The following DOCK10 variants were observed in gnomAD, a reference collection of about 807,000 sequenced individuals.
The protein encoded by DOCK10 is dedicator of cytokinesis 10, also known as dedicator of cytokinesis protein 10.
A neutral mutation model predicts 280.1 loss-of-function variants in DOCK10; 145 were observed. That is an observed-to-expected ratio of 0.52 (90% CI 0.45 to 0.59). The LOEUF (loss-of-function observed/expected upper bound fraction) is 0.59. Ranked by LOEUF, DOCK10 falls within the 20% of genes least tolerant of loss-of-function variation. The probability of loss-of-function intolerance (pLI) is 0.00; values close to 1 mark genes in which losing one functional copy is unlikely to be tolerated. For synonymous variants in DOCK10, 915 were observed against 942.2 expected, an observed-to-expected ratio of 0.97 and a Z score of 0.53; for missense variants, 2,368 against 2,651.7, an observed-to-expected ratio of 0.89 and a Z score of 2.35.
chr2:224,994,946 G>A (rs953653510), intron 1 of DOCK10, among the ~76,000 whole-genome samples: 2 of 152,176 alleles, frequency 1.3e-5, no homozygotes, highest in Admixed American at 6.5e-5. Context: ...TCTGGCTCAA[G>A]TGTTTCCTGA....
chr2:224,833,486 ATTT>A (rs61164574), intron 26 of DOCK10, among the ~76,000 whole-genome samples: 3 of 144,786 alleles, frequency 2.1e-5, no homozygotes, highest in African/African-American at 2.5e-5. Context: ...TCGCCTTCAA[ATTT>A]TTTTTTTTTT....
intron 47 of DOCK10, among the ~76,000 whole-genome samples, chr2:224,792,182 A>G (rs1444160900): frequency 6.6e-6 from 1 of 152,240 alleles, no homozygotes; most frequent in African/African-American, 2.4e-5. Context: ...ACCATAAGCC[A>G]TATGTTATAA....
At chr2:224,888,403 C>T (rs542407910) in intron 4 of DOCK10, among the ~76,000 whole-genome samples, 15 of 150,490 alleles carry the variant, frequency 1.0e-4, no homozygotes, top group Middle Eastern at 3.6e-3. Context: ...TATGTGTGTG[C>T]ATGTATATAT....
At chr2:224,872,791 G>A (rs760935492) in intron 11 of DOCK10, among the ~76,000 whole-genome samples, 19 of 152,098 alleles carry the variant, frequency 1.2e-4, no homozygotes, top group Admixed American at 7.9e-4. Flanking sequence ...TCCTCTTTGA[G>A]GTGAAAGATG....
chr2:224,877,051 T>C (rs1424003319), intron 7 of DOCK10, among the ~76,000 whole-genome samples: 1 of 152,212 alleles, frequency 6.6e-6, no homozygotes, highest in Non-Finnish European at 1.5e-5. Flanking sequence ...CATGTTCTTA[T>C]TGCTGCCACA....
intron 11 of DOCK10, among the ~76,000 whole-genome samples, chr2:224,869,475 A>G (rs1189692985): frequency 6.6e-6 from 1 of 152,236 alleles, no homozygotes; most frequent in Admixed American, 6.5e-5. Context: ...TTAATGAAAG[A>G]GTGTCAGTGA....
chr2:224,977,138 C>T (rs762697161), intron 1 of DOCK10, among the ~76,000 whole-genome samples: 4 of 152,154 alleles, frequency 2.6e-5, no homozygotes, highest in East Asian at 1.9e-4. Context: ...CTGCCTTAGA[C>T]GAAAATTCAA....
chr2:224,975,260 T>C lies in DOCK10; in HGVS notation c.124-43592A>G, dbSNP rs903907283. On this transcript the variant is annotated intron_variant, in intron 1 of 55. Coordinates refer to ENST00000258390, the MANE Select transcript of DOCK10 (RefSeq NM_014689.3). Reference sequence around the variant, plus strand: ...ACCCAGAGAGAAGCCATTCAATTCATTTGTCCATTTTCTGTGGCTTTGGGA... The same window carrying C: ...ACCCAGAGAGAAGCCATTCAATTCACTTGTCCATTTTCTGTGGCTTTGGGA... Among the ~76,000 whole-genome samples the C allele has an allele frequency of 7.2e-5, 11 of 152,318 alleles. No homozygotes were observed. The East Asian group carries it at 1.2e-3, about 16-fold the overall frequency.
chr2:224,833,139 C>T (rs1450624685), intron 26 of DOCK10, among the ~76,000 whole-genome samples: 2 of 152,088 alleles, frequency 1.3e-5, no homozygotes, highest in Non-Finnish European at 2.9e-5. Flanking sequence ...CCACTGTAGT[C>T]GATTCTCAAC....
intron 48 of DOCK10, 121 bp downstream of exon 48, chr2:224,788,943 T>G (rs1691945357): frequency 1.6e-6 from 1 of 626,544 alleles, no homozygotes; most frequent in Non-Finnish European, 2.7e-6. Context: ...GCATTTCATT[T>G]TGTCTAATTA....
chr2:224,947,215 T>C (rs1703469664), intron 1 of DOCK10: 6 of 410,064 alleles, frequency 1.5e-5, no homozygotes, highest in Admixed American at 4.9e-5. Context: ...ACAAAATGAC[T>C]TTGGACGTTT....
intron 1 of DOCK10, among the ~76,000 whole-genome samples, chr2:224,984,267 G>T (rs754939351): frequency 1.3e-5 from 2 of 152,186 alleles, no homozygotes; most frequent in African/African-American, 4.8e-5. Context: ...AGATCCCTCC[G>T]CTATCCACCA....
At chr2:224,944,193 A>G (rs754344367) in intron 1 of DOCK10, among the ~76,000 whole-genome samples, 5 of 152,190 alleles carry the variant, frequency 3.3e-5, no homozygotes, top group Admixed American at 6.5e-5. Flanking sequence ...AACTGTATTG[A>G]CACATAGAAA....
intron 39 of DOCK10, among the ~76,000 whole-genome samples, chr2:224,802,745 C>A (rs1437368669): frequency 6.6e-6 from 1 of 152,156 alleles, no homozygotes; most frequent in Non-Finnish European, 1.5e-5. Flanking sequence ...GTTGATAATT[C>A]TTGGGATATG....
intron 50 of DOCK10, chr2:224,784,816 C>A (rs1691623313): frequency 8.1e-7 from 1 of 1,241,818 alleles, no homozygotes; most frequent in South Asian, 1.2e-5. Flanking sequence ...CAGCGTGATT[C>A]ACTTCTACCT....
At chr2:224,819,017 A>G (rs1694333882) in intron 29 of DOCK10, among the ~76,000 whole-genome samples, 1 of 152,178 alleles carries the variant, frequency 6.6e-6, no homozygotes, top group African/African-American at 2.4e-5. Flanking sequence ...TCTCTGGTCT[A>G]GGAACCACTG....
intron 1 of DOCK10, among the ~76,000 whole-genome samples, chr2:225,012,793 T>G (rs773891348): frequency 5.9e-5 from 9 of 152,216 alleles, no homozygotes; most frequent in African/African-American, 1.9e-4. Context: ...AAAATAGGTA[T>G]GATTTTTATT....
At chr2:225,007,395 T>C (rs925555094) in intron 1 of DOCK10, among the ~76,000 whole-genome samples, 1 of 152,122 alleles carries the variant, frequency 6.6e-6, no homozygotes, top group Non-Finnish European at 1.5e-5. Flanking sequence ...GTAAATAAAC[T>C]GAAGTTTAAA....
At chr2:224,776,547 G>A (rs1051310488) in intron 51 of DOCK10, among the ~76,000 whole-genome samples, 1 of 151,762 alleles carries the variant, frequency 6.6e-6, no homozygotes, top group Non-Finnish European at 1.5e-5. Flanking sequence ...GAAGGAGAAT[G>A]ATGAACACAT....
Sources: allele counts gnomAD v4.1 joint callset (sites outside exome capture counted in the v4.1 genomes callset), GRCh38; gene constraint gnomAD v4.1.1; transcripts MANE v1.5; gene names NCBI Gene and HGNC (gene_info 2026-07-23, HGNC 2026-07-21).